The following ANKRD26 variants were observed in gnomAD, a reference collection of about 807,000 sequenced individuals.
The protein encoded by ANKRD26 is ankyrin repeat domain 26, also known as ankyrin repeat domain-containing protein 26.
In ANKRD26, 141 loss-of-function variants were observed where a neutral mutation model predicts 208.7. That is an observed-to-expected ratio of 0.68 (90% CI 0.59 to 0.78). ANKRD26 has a LOEUF of 0.78. Ranked by LOEUF, ANKRD26 falls within the 30% of genes least tolerant of loss-of-function variation. The pLI is 0.00. For missense variants in ANKRD26, 1,889 were observed against 1,938.7 expected (o/e 0.97, Z 0.48); for synonymous variants, 636 against 660.4 (o/e 0.96, Z 0.57).
At chr10:27,074,459 T>C (rs866261266) in intron 9 of ANKRD26, among the ~76,000 whole-genome samples, 86 of 152,276 alleles carry the variant, frequency 5.6e-4, no homozygotes, top group African/African-American at 2.0e-3. Context: ...GGTGGGTGGA[T>C]CGCTTGAGGT....
At chr10:27,069,804 T>C (rs1014599217) in intron 9 of ANKRD26, among the ~76,000 whole-genome samples, 7 of 152,122 alleles carry the variant, frequency 4.6e-5, no homozygotes, top group African/African-American at 1.7e-4. Flanking sequence ...AACATGGGAT[T>C]TAAGGTTTCA....
chr10:27,063,887 T>G, intron 12 of ANKRD26, 101 bp downstream of exon 12: 1 of 957,676 alleles, frequency 1.0e-6, no homozygotes, highest in Non-Finnish European at 1.6e-6. Flanking sequence ...TACTATGCAT[T>G]TAATAGGTGA....
intron 1 of ANKRD26, among the ~76,000 whole-genome samples, chr10:27,096,701 G>T (rs1192714843): frequency 6.7e-6 from 1 of 148,964 alleles, no homozygotes; most frequent in Non-Finnish European, 1.5e-5. Flanking sequence ...GGGAGGAGAA[G>T]GTTACAGTGA....
the ANKRD26 span, among the ~76,000 whole-genome samples, chr10:26,966,919 C>A: frequency 6.6e-6 from 1 of 151,898 alleles, no homozygotes; most frequent in African/African-American, 2.4e-5. Flanking sequence ...GAGTCTCTTA[C>A]TAAAAGGAAA....
At chr10:26,994,486 G>C (rs1260583963) in intron 5 of ANKRD26, among the ~76,000 whole-genome samples, 9 of 152,154 alleles carry the variant, frequency 5.9e-5, no homozygotes, top group Non-Finnish European at 1.2e-4. Flanking sequence ...TGCAGAGACA[G>C]GTATCCCCCT....
intron 5 of ANKRD26, among the ~76,000 whole-genome samples, chr10:26,993,315 G>C (rs1432456535): frequency 6.6e-6 from 1 of 152,114 alleles, no homozygotes; most frequent in Non-Finnish European, 1.5e-5. Context: ...ATTAATATCT[G>C]GTCACTGTAC....
intron 5 of ANKRD26, 64 bp downstream of exon 5, chr10:27,086,475 C>G: frequency 2.5e-6 from 4 of 1,582,428 alleles, no homozygotes; most frequent in Non-Finnish European, 3.4e-6. Context: ...ATCAACACTT[C>G]CTTACTTTTA....
intron 23 of ANKRD26, among the ~76,000 whole-genome samples, chr10:27,036,430 T>C (rs796122411): frequency 1.3e-4 from 20 of 152,156 alleles, no homozygotes; most frequent in African/African-American, 4.8e-4. Context: ...GTTATTTCTG[T>C]GGTATAAATA....
chr10:26,989,148 A>G (rs1166296868), downstream of ANKRD26, among the ~76,000 whole-genome samples: 1 of 152,074 alleles, frequency 6.6e-6, no homozygotes, highest in Non-Finnish European at 1.5e-5. Context: ...ATTTTTTCTA[A>G]GTCTGTCTTT....
chr10:27,051,183 C>T, intron 16 of ANKRD26: 1 of 1,289,952 alleles, frequency 7.8e-7, no homozygotes, highest in South Asian at 1.2e-5. Flanking sequence ...TTTTGATGTT[C>T]TGTCACCACG....
At position 27,011,149 on chromosome 10, in the gene ANKRD26, C is replaced by T. The variant is rs928493578; in HGVS notation, c.4953+1733G>A. ...CTCTGCATTAAGATCATGAAAATAC[C>T]ATTAAATCTTAAGCTAACGTGCACT... is the stretch of plus-strand genomic sequence containing the variant. On this transcript the variant is annotated intron_variant, in intron 32 of 33. Coordinates refer to ENST00000376087, the MANE Select transcript of ANKRD26 (RefSeq NM_014915.3). Among the ~76,000 whole-genome samples the T allele has an allele frequency of 1.7e-4, 26 of 152,168 alleles. No individual in the cohort carries two copies. The East Asian group carries it at 4.8e-3, about 28-fold the overall frequency.
At chr10:27,062,352 T>C in intron 12 of ANKRD26, 3 of 481,892 alleles carry the variant, frequency 6.2e-6, no homozygotes, top group Non-Finnish European at 8.1e-6. Flanking sequence ...GACGCTTCTT[T>C]CAGATTTCTC....
chr10:27,026,653 A>G (rs988009155), intron 27 of ANKRD26, among the ~76,000 whole-genome samples: 1 of 152,226 alleles, frequency 6.6e-6, no homozygotes, highest in Non-Finnish European at 1.5e-5. Flanking sequence ...TACACAGGAA[A>G]GTGTGAATGA....
At chr10:27,097,144 T>C (rs908863734) in intron 1 of ANKRD26, among the ~76,000 whole-genome samples, 2 of 151,424 alleles carry the variant, frequency 1.3e-5, no homozygotes, top group Non-Finnish European at 2.9e-5. Flanking sequence ...ATCACACCAT[T>C]GCACTCCAGC....
downstream of ANKRD26, among the ~76,000 whole-genome samples, chr10:26,969,811 GTT>G (rs34596945): frequency 1.5e-4 from 21 of 136,360 alleles, no homozygotes; most frequent in East Asian, 3.6e-3. Context: ...TTTACTTTCT[GTT>G]TTTTTTTTTT....
intron 32 of ANKRD26, among the ~76,000 whole-genome samples, chr10:27,009,198 A>C (rs1434814403): frequency 3.9e-5 from 6 of 152,170 alleles, no homozygotes; most frequent in Non-Finnish European, 8.8e-5. Flanking sequence ...TGAGAAAAGG[A>C]CACCAGGTCA....
At chr10:26,971,957 C>G (rs7095817), downstream of ANKRD26, among the ~76,000 whole-genome samples, 11 of 151,914 alleles carry the variant, frequency 7.2e-5, no homozygotes, top group Admixed American at 6.6e-5. Flanking sequence ...GTCCAGTGGC[C>G]GGGCGCAGTG....
intron 27 of ANKRD26, among the ~76,000 whole-genome samples, chr10:27,028,133 A>G (rs968892693): frequency 3.9e-5 from 6 of 152,190 alleles, no homozygotes; most frequent in Non-Finnish European, 7.3e-5. Flanking sequence ...TAATCCCATC[A>G]TAAGTGGAGG....
chr10:27,086,379 T>C (rs1293875029), intron 5 of ANKRD26, among the ~76,000 whole-genome samples, 160 bp downstream of exon 5: 5 of 152,198 alleles, frequency 3.3e-5, no homozygotes, highest in Non-Finnish European at 7.3e-5. Context: ...ACTTCTTAAA[T>C]AATTCTGAAT....
Sources: gnomAD v4.1 joint callset for allele counts (sites outside exome capture counted in the v4.1 genomes callset) on GRCh38, gnomAD v4.1.1 for gene constraint, MANE v1.5 for transcripts, NCBI Gene and HGNC (gene_info 2026-07-23, HGNC 2026-07-21) for gene names.